The following NPLOC4 variants were observed in gnomAD, a reference collection of about 807,000 sequenced individuals.
NPLOC4 encodes the protein NPL4 homolog, ubiquitin recognition factor.
Under a neutral mutation model 80.6 loss-of-function variants are expected in NPLOC4, and 18 were observed. The ratio of observed to expected loss-of-function variants is 0.22; its 90% CI spans 0.15 to 0.33. NPLOC4 has a LOEUF of 0.33. Ranked by LOEUF, NPLOC4 falls within the 10% of genes least tolerant of loss-of-function variation. NPLOC4 has a pLI of 1.00. For synonymous variants in NPLOC4, 313 were observed against 301.5 expected, an observed-to-expected ratio of 1.04 and a Z score of -0.39; for missense variants, 540 against 786.1, an observed-to-expected ratio of 0.69 and a Z score of 3.74.
intron 11 of NPLOC4, among the ~76,000 whole-genome samples, chr17:81,595,444 C>T (rs546654484): frequency 3.6e-5 from 5 of 140,398 alleles, no homozygotes; most frequent in Non-Finnish European, 6.1e-5. Flanking sequence ...AAAAAAAAAA[C>T]CCGTTTTGCT....
chr17:81,593,382 T>C (rs7406863), intron 11 of NPLOC4, among the ~76,000 whole-genome samples: 94,712 of 151,716 alleles, frequency 0.62, 31,444 homozygotes, highest in Non-Finnish European at 0.73. Flanking sequence ...GTACGGATCC[T>C]GCTGTGCTGT....
intron 8 of NPLOC4, among the ~76,000 whole-genome samples, chr17:81,604,165 G>T (rs909392463): frequency 6.6e-6 from 1 of 152,132 alleles, no homozygotes; most frequent in Non-Finnish European, 1.5e-5. Context: ...GTGCTGAGGT[G>T]TGTCTGTGGC....
chr17:81,572,739 T>G lies in NPLOC4; in HGVS notation c.1282-651A>C, dbSNP rs1451058064. ...CTGCGACAGGCAGAAGGGTCTGCGT[T>G]CCCCTCAGGTTGGACCTGTGCCCTG... On this transcript the variant is annotated intron_variant, in intron 12 of 16. Coordinates refer to ENST00000331134, the MANE Select transcript of NPLOC4 (RefSeq NM_017921.4). The surrounding 1 kb of genome is among the most constrained non-coding windows in gnomAD (Gnocchi z 4.5). Among the ~76,000 whole-genome samples the G allele has an allele frequency of 6.6e-6, 1 of 152,230 alleles. No individual in the cohort carries two copies. The highest frequency in any genetic ancestry group is 2.1e-4 in the South Asian group (1 of 4,830).
chr17:81,602,964 CAT>C lies in NPLOC4; in HGVS notation c.834+1582_834+1583del, dbSNP rs199530403. On this transcript the variant is annotated intron_variant, in intron 8 of 16. Transcript: ENST00000331134. ...ATATACACACACATATATATACACA[CAT>C]ATATATACACAAATACACACACACA... is the stretch of plus-strand genomic sequence containing the variant. Among the ~76,000 whole-genome samples, 1,021 of 134,280 alleles carry C rather than the reference CAT, an allele frequency of 7.6e-3. 7 individuals carry two copies. Among genetic ancestry groups the C allele is most frequent in the Non-Finnish European group, 0.012 (799 of 64,776 alleles). 88.1% of individuals were successfully genotyped at this position (134,280 alleles called of 152,430 possible).
chr17:81,559,452 C>A, intron 16 of NPLOC4, 36 bp from the exon 17 acceptor site: 5 of 1,579,820 alleles, frequency 3.2e-6, no homozygotes, highest in Non-Finnish European at 4.3e-6. Context: ...CTCATCATTT[C>A]TGGCCCACCA....
chr17:81,565,268 T>C (rs548419070), intron 16 of NPLOC4: 1 of 686,040 alleles, frequency 1.5e-6, no homozygotes, highest in South Asian at 1.5e-5. Flanking sequence ...GTTTATAAAA[T>C]TTACAGGGCT....
chr17:81,620,527 C>T (rs768604817), intron 3 of NPLOC4, among the ~76,000 whole-genome samples: 12 of 151,820 alleles, frequency 7.9e-5, no homozygotes, highest in Non-Finnish European at 1.8e-4. Context: ...AAATGCAAAC[C>T]GGTGATTACT....
intron 3 of NPLOC4, among the ~76,000 whole-genome samples, chr17:81,615,822 A>G (rs147466321): frequency 6.6e-6 from 1 of 152,328 alleles, no homozygotes; most frequent in East Asian, 1.9e-4. Context: ...ATCTGCCTCT[A>G]TCCAGTACAC....
chr17:81,603,016 T>C (rs113474032), intron 8 of NPLOC4, among the ~76,000 whole-genome samples: 84 of 83,398 alleles, frequency 1.0e-3, no homozygotes, highest in East Asian at 8.2e-3. Flanking sequence ...CACACACACA[T>C]ATAAAAGTCA....
chr17:81,595,530 A>ATTTTTTTTTT (rs200287444), intron 11 of NPLOC4, among the ~76,000 whole-genome samples: 2 of 113,124 alleles, frequency 1.8e-5, no homozygotes, highest in Non-Finnish European at 3.9e-5. Context: ...ACATATATAT[A>ATTTTTTTTTT]TATATTTTTT....
chr17:81,637,047 AC>A lies in NPLOC4; in HGVS notation c.-118del. The A allele has an allele frequency of 1.8e-6, 1 of 544,316 alleles. No individual in the cohort carries two copies. Among genetic ancestry groups the A allele is most frequent in the Non-Finnish European group, 2.6e-6 (1 of 379,284 alleles). The allele number at this position is 544,316 out of a possible 1,614,324, so 33.7% of individuals were successfully genotyped here. ...GCCCCGGCCTCCCTACGCCGCCGCC[AC>A]CGCCGCTCCAGCTTCGCCCGCCCGG... On this transcript the variant is annotated 5_prime_UTR_variant, in exon 1 of 17. Coordinates refer to ENST00000331134, the MANE Select transcript of NPLOC4 (RefSeq NM_017921.4).
chr17:81,636,024 G>C (rs2036061549), intron 1 of NPLOC4, among the ~76,000 whole-genome samples: 1 of 151,372 alleles, frequency 6.6e-6, no homozygotes, highest in Non-Finnish European at 1.5e-5. Flanking sequence ...CCAGGCTGGA[G>C]TGCCATGGAG....
chr17:81,608,844 G>T, intron 5 of NPLOC4, 22 bp from the exon 6 acceptor site: 1 of 1,551,062 alleles, frequency 6.4e-7, no homozygotes, highest in Non-Finnish European at 8.8e-7. Context: ...CAGAGTAAGC[G>T]AGTGCAGTCT....
chr17:81,612,166 G>C (rs976435727), intron 4 of NPLOC4, among the ~76,000 whole-genome samples: 1 of 152,050 alleles, frequency 6.6e-6, no homozygotes, highest in Admixed American at 6.6e-5. Context: ...AGCACAACAC[G>C]CACAATCTGA....
intron 11 of NPLOC4, among the ~76,000 whole-genome samples, chr17:81,592,233 C>A (rs1320134831): frequency 6.6e-6 from 1 of 152,164 alleles, no homozygotes; most frequent in Non-Finnish European, 1.5e-5. Flanking sequence ...GGGAATGCAA[C>A]AAGTACAATT....
At position 81,600,388 on chromosome 17, in the gene NPLOC4, T is replaced by C. The variant is rs1359243999; in HGVS notation, c.874A>G (p.Lys292Glu). 4.3e-6 allele frequency: 7 copies of C among 1,612,928 alleles called. No homozygotes were observed. The highest frequency in any genetic ancestry group is 5.9e-6 in the Non-Finnish European group (7 of 1,179,512). Residue 292 changes from lysine to glutamate, a missense_variant, in exon 9 of 17, where the codon AAA becomes GAA. Lys to Glu is a moderately conservative substitution (Grantham distance 56). This residue lies in a region of NPLOC4 where 251 missense variants were observed against 377.5 expected (regional missense o/e 0.66). Transcript: ENST00000331134. ...QNSLELLEDP[K>E]AEVVDEIAAK... ...GCAATTTCATCGACCACTTCAGCTT[T>C]TGGATCCTCAAGAAGCTCCAAGCTG...
chr17:81,603,014 C>CACACACACACACAT (rs386627318), intron 8 of NPLOC4, among the ~76,000 whole-genome samples: 1 of 140,982 alleles, frequency 7.1e-6, no homozygotes, highest in Non-Finnish European at 1.5e-5. Flanking sequence ...CACACACACA[C>CACACACACACACAT]ATATAAAAGT....
chr17:81,618,745 A>C (rs112144740), intron 3 of NPLOC4, among the ~76,000 whole-genome samples: 6 of 150,108 alleles, frequency 4.0e-5, no homozygotes, highest in Non-Finnish European at 7.4e-5. Flanking sequence ...TGACAATGGC[A>C]GTTTTGTGGA....
chr17:81,630,208 T>C (rs1009731898), intron 1 of NPLOC4, among the ~76,000 whole-genome samples: 1 of 152,230 alleles, frequency 6.6e-6, no homozygotes, highest in South Asian at 2.1e-4. Flanking sequence ...TGTTACTTTG[T>C]TCCAGGATCT....
Sources: allele counts gnomAD v4.1 joint callset (sites outside exome capture counted in the v4.1 genomes callset), GRCh38; gene constraint gnomAD v4.1.1; regional missense constraint gnomAD v4.1.1; non-coding constraint Gnocchi (gnomAD v3.1); transcripts MANE v1.5; gene names NCBI Gene and HGNC (gene_info 2026-07-23, HGNC 2026-07-21).